The following PPP4R4 variants were observed in gnomAD, a reference collection of about 807,000 sequenced individuals.
PPP4R4 encodes protein phosphatase 4 regulatory subunit 4.
In PPP4R4, 70 loss-of-function variants were observed where a neutral mutation model predicts 121.8. That is an observed-to-expected ratio of 0.57 (90% CI 0.47 to 0.70). The LOEUF (loss-of-function observed/expected upper bound fraction) is 0.70. Ranked by LOEUF, PPP4R4 falls within the 30% of genes least tolerant of loss-of-function variation. PPP4R4 has a pLI of 0.00. For synonymous variants in PPP4R4, 348 were observed against 355.7 expected, an observed-to-expected ratio of 0.98 and a Z score of 0.24; for missense variants, 875 against 1,033.6, an observed-to-expected ratio of 0.85 and a Z score of 2.10.
At chr14:94,261,128 C>T (rs940523335) in intron 19 of PPP4R4, among the ~76,000 whole-genome samples, 1 of 152,084 alleles carries the variant, frequency 6.6e-6, no homozygotes, top group Non-Finnish European at 1.5e-5. Flanking sequence ...TCCTATTATT[C>T]TGTTCCACTT....
chr14:94,188,952 A>G (rs1038806219), intron 2 of PPP4R4, among the ~76,000 whole-genome samples: 2 of 152,176 alleles, frequency 1.3e-5, no homozygotes, highest in African/African-American at 4.8e-5. Context: ...GCCTCAATAA[A>G]ACTCAAAAAA....
chr14:94,254,610 G>A (rs1893366292), intron 16 of PPP4R4, among the ~76,000 whole-genome samples: 1 of 152,138 alleles, frequency 6.6e-6, no homozygotes, highest in African/African-American at 2.4e-5. Context: ...CTGAGAAAGT[G>A]TTCTGGAAAC....
chr14:94,245,357 A>G (rs548206847), intron 12 of PPP4R4, among the ~76,000 whole-genome samples: 2 of 152,258 alleles, frequency 1.3e-5, no homozygotes, highest in East Asian at 3.9e-4. Flanking sequence ...CTATTTGGAC[A>G]ATGTCAAGAG....
chr14:94,206,110 A>G (rs1367135301), intron 2 of PPP4R4, among the ~76,000 whole-genome samples: 2 of 151,026 alleles, frequency 1.3e-5, no homozygotes, highest in African/African-American at 2.4e-5. Flanking sequence ...TTTTCTTTTC[A>G]GTCTCATCAG....
chr14:94,276,562 G>T (rs1398676558), intron 24 of PPP4R4, among the ~76,000 whole-genome samples: 1 of 152,122 alleles, frequency 6.6e-6, no homozygotes, highest in Non-Finnish European at 1.5e-5. Context: ...AGAAAGTGGG[G>T]TTGGGGGAGG....
chr14:94,246,137 T>A (rs897757366), intron 13 of PPP4R4, among the ~76,000 whole-genome samples: 6 of 152,190 alleles, frequency 3.9e-5, no homozygotes, highest in African/African-American at 1.2e-4. Flanking sequence ...GTAGTTTTTA[T>A]TTCAAAATTT....
chr14:94,256,411 T>C (rs6575402), intron 16 of PPP4R4, 49 bp from the exon 17 acceptor site: 279,961 of 1,440,142 alleles, frequency 0.19, 32,548 homozygotes, highest in East Asian at 0.59. Context: ...ATGTTTCTGT[T>C]ATTCTTAGTT....
chr14:94,262,428 T>A (rs1893834556), intron 19 of PPP4R4, among the ~76,000 whole-genome samples: 1 of 151,966 alleles, frequency 6.6e-6, no homozygotes, highest in Admixed American at 6.6e-5. Context: ...TCTCTCCTTT[T>A]TTTGGAAATT....
intron 2 of PPP4R4, among the ~76,000 whole-genome samples, chr14:94,200,777 C>T (rs766194463): frequency 2.1e-4 from 31 of 150,800 alleles, no homozygotes; most frequent in Non-Finnish European, 3.7e-4. Flanking sequence ...TTTCAAAGAA[C>T]CAGCTTTTTG....
chr14:94,217,450 C>T (rs1031619212), intron 3 of PPP4R4, among the ~76,000 whole-genome samples: 1 of 152,090 alleles, frequency 6.6e-6, no homozygotes, highest in African/African-American at 2.4e-5. Context: ...TACTGTTGCC[C>T]CTATCATCAC....
At chr14:94,258,179 T>C (rs1893579456) in intron 17 of PPP4R4, among the ~76,000 whole-genome samples, 1 of 152,190 alleles carries the variant, frequency 6.6e-6, no homozygotes, top group African/African-American at 2.4e-5. Flanking sequence ...TATCCAAATG[T>C]ACTTTATTTT....
chr14:94,210,735 A>T (rs1890700345), intron 3 of PPP4R4, among the ~76,000 whole-genome samples: 1 of 152,174 alleles, frequency 6.6e-6, no homozygotes, highest in South Asian at 2.1e-4. Flanking sequence ...TTGTGACTTG[A>T]TGTAAAAATG....
intron 24 of PPP4R4, among the ~76,000 whole-genome samples, 157 bp downstream of exon 24, chr14:94,275,678 T>C (rs572714645): frequency 6.6e-6 from 1 of 152,246 alleles, no homozygotes; most frequent in Non-Finnish European, 1.5e-5. Flanking sequence ...GACTCTGTTA[T>C]GTTAGTTTAT....
intron 2 of PPP4R4, among the ~76,000 whole-genome samples, chr14:94,202,345 T>C (rs1890235309): frequency 1.3e-5 from 2 of 152,188 alleles, no homozygotes. Flanking sequence ...GTGTGTAAGA[T>C]CTGTTTGTTA....
intron 3 of PPP4R4, among the ~76,000 whole-genome samples, chr14:94,225,952 A>AATATTGAAT (rs1355100741): frequency 6.6e-6 from 1 of 152,126 alleles, no homozygotes; most frequent in Non-Finnish European, 1.5e-5. Context: ...TTTGGAAAAA[A>AATATTGAAT]ATATTGAATT....
chr14:94,254,299 T>C (rs917219840), intron 16 of PPP4R4, among the ~76,000 whole-genome samples: 1 of 152,194 alleles, frequency 6.6e-6, no homozygotes, highest in African/African-American at 2.4e-5. Context: ...CTTAAGTTAA[T>C]GTTTAAAATT....
chr14:94,188,794 A>T (rs1193215589), intron 2 of PPP4R4, among the ~76,000 whole-genome samples: 1 of 152,154 alleles, frequency 6.6e-6, no homozygotes, highest in Non-Finnish European at 1.5e-5. Flanking sequence ...TGTAGTAATC[A>T]TTTTACAATG....
intron 3 of PPP4R4, among the ~76,000 whole-genome samples, chr14:94,209,303 G>A (rs562578384): frequency 6.6e-6 from 1 of 152,128 alleles, no homozygotes; most frequent in Non-Finnish European, 1.5e-5. Flanking sequence ...TGAGGATTAT[G>A]TTTGCTAATA....
intron 8 of PPP4R4, 88 bp from the exon 9 acceptor site, chr14:94,240,585 T>A (rs531469392): frequency 1.0e-5 from 14 of 1,377,108 alleles, no homozygotes; most frequent in East Asian, 5.1e-5. Context: ...GTAATTTTTC[T>A]TTCTGGAATT....
Sources: gnomAD v4.1 joint callset for allele counts (sites outside exome capture counted in the v4.1 genomes callset) on GRCh38, gnomAD v4.1.1 for gene constraint, MANE v1.5 for transcripts, NCBI Gene and HGNC (gene_info 2026-07-23, HGNC 2026-07-21) for gene names.